ARHGAP20: variants seen among roughly 807,000 people sequenced by gnomAD.
ARHGAP20 encodes Rho GTPase activating protein 20, also known as rho GTPase-activating protein 20.
ARHGAP20 carries 34 observed loss-of-function variants against 73.7 expected under a neutral mutation model. The ratio of observed to expected loss-of-function variants is 0.46; its 90% confidence interval spans 0.35 to 0.61. ARHGAP20 has a LOEUF of 0.61. Among genes scored for constraint, ARHGAP20 ranks in the 20% least tolerant of loss-of-function variants. The pLI is 0.00. For missense variants in ARHGAP20, 1,314 were observed against 1,420.9 expected (o/e 0.92, Z 1.21); for synonymous variants, 523 against 518.2 (o/e 1.01, Z -0.13).
chr11:110,690,811 G>T (rs1950228589), intron 1 of ARHGAP20, among the ~76,000 whole-genome samples, 182 bp from the exon 2 acceptor site: 1 of 152,032 alleles, frequency 6.6e-6, no homozygotes, highest in Non-Finnish European at 1.5e-5. Context: ...AAAAAAACAG[G>T]ACAGTAAGTG....
chr11:110,677,576 T>C (rs1446616399), intron 2 of ARHGAP20, among the ~76,000 whole-genome samples: 2 of 152,082 alleles, frequency 1.3e-5, no homozygotes, highest in Non-Finnish European at 2.9e-5. Context: ...GCCCAGGATT[T>C]TGAGGCTGAA....
chr11:110,617,877 T>C (rs1485864235), intron 4 of ARHGAP20, among the ~76,000 whole-genome samples: 1 of 151,826 alleles, frequency 6.6e-6, no homozygotes, highest in Non-Finnish European at 1.5e-5. Flanking sequence ...TCTTGGAAAA[T>C]AAAATAAAAA....
rs1948363734 is a variant in ARHGAP20 at position 110,611,379 on chromosome 11, G to C, written c.638C>G (p.Thr213Ser). Residue 213 changes from threonine to serine, a missense_variant, in exon 7 of 15, where the codon ACT (threonine) becomes AGT (serine). Physicochemically the swap from Thr to Ser is moderately conservative, Grantham distance 58. This residue lies in a region of ARHGAP20 where 443 missense variants were observed against 466.4 expected (regional missense o/e 0.95). Transcript: ENST00000683387. Reference protein sequence around the residue: ...KDIGNCAYSKTITVMNSDTAN... With the variant: ...KDIGNCAYSKSITVMNSDTAN... The stretch of plus-strand genomic sequence containing the variant: ...TGTATCTGAATTCATTACTGTTATA[G>C]TTTTAGACTGTAGAAAAAAAATAAG... 1 of 1,484,208 alleles carries C rather than the reference G, an allele frequency of 6.7e-7. No individual in the cohort carries two copies. The highest frequency in any genetic ancestry group is 9.1e-7 in the Non-Finnish European group (1 of 1,098,056). 91.9% of individuals were successfully genotyped at this position (1,484,208 alleles called of 1,614,324 possible). A position where few individuals can be genotyped will look rare whatever the true frequency, so the allele number is the denominator to read the frequency against.
chr11:110,651,324 C>A (rs112825539), intron 2 of ARHGAP20, among the ~76,000 whole-genome samples: 38 of 151,990 alleles, frequency 2.5e-4, no homozygotes, highest in African/African-American at 8.7e-4. Context: ...AACTAGAGAA[C>A]CAAGAGCAAA....
intron 1 of ARHGAP20, chr11:110,711,625 C>T (rs575866775): frequency 6.7e-7 from 1 of 1,486,744 alleles, no homozygotes; most frequent in Non-Finnish European, 8.9e-7. Flanking sequence ...GTGAGGGGGC[C>T]GAGCCCACCA....
In ARHGAP20 at chr11:110,647,757, C is replaced by A. The variant is rs369433703; in HGVS notation, c.189-16965G>T. Reference sequence around the variant, plus strand: ...ATTTGATAGAGCTATTTGCAAAGCTCTTAACAGTATTCTCTCACTATAACA... The same window carrying A: ...ATTTGATAGAGCTATTTGCAAAGCTATTAACAGTATTCTCTCACTATAACA... On this transcript the variant is annotated intron_variant, in intron 2 of 14. Transcript: ENST00000683387. Among the ~76,000 whole-genome samples, 11 of 152,144 alleles carry A rather than the reference C, an allele frequency of 7.2e-5. 1 individual carries two copies. Among genetic ancestry groups the A allele is most frequent in the African/African-American group, 2.4e-4 (10 of 41,538 alleles).
chr11:110,679,005 G>A (rs1281028204), intron 2 of ARHGAP20, among the ~76,000 whole-genome samples: 1 of 152,144 alleles, frequency 6.6e-6, no homozygotes, highest in Non-Finnish European at 1.5e-5. Flanking sequence ...ATAAGGATCA[G>A]AAACCTGGAA....
At position 110,578,148 on chromosome 11, in the gene ARHGAP20, GAGAA is replaced by G. The variant is rs1947337836; in HGVS notation, c.*1218_*1221del. On this transcript the variant is annotated 3_prime_UTR_variant, in exon 15 of 15. Coordinates refer to ENST00000683387, the MANE Select transcript of ARHGAP20 (RefSeq NM_001384657.1). ...CTGCAACCTTTAAGTCAAGAAAGCA[GAGAA>G]AGAAAGGTCCATGGATATAAAATAA... 5.1e-6 allele frequency: 5 copies of G among 985,442 alleles called. No individual in the cohort carries two copies. The highest frequency in any genetic ancestry group is 1.7e-5 in the African/African-American group (1 of 57,362). 61.0% of individuals were successfully genotyped at this position (985,442 alleles called of 1,614,324 possible).
intron 2 of ARHGAP20, among the ~76,000 whole-genome samples, chr11:110,640,975 G>A (rs1451300700): frequency 6.6e-6 from 1 of 152,068 alleles, no homozygotes; most frequent in Non-Finnish European, 1.5e-5. Flanking sequence ...ACAGCCTAGT[G>A]ATAATAGTAA....
intron 1 of ARHGAP20, 141 bp downstream of exon 1, chr11:110,711,986 C>G (rs1950671028): frequency 1.6e-6 from 2 of 1,245,862 alleles, no homozygotes; most frequent in Non-Finnish European, 1.0e-6. Flanking sequence ...TGTTCTGGGA[C>G]TCTCATTAGG....
chr11:110,670,636 A>C (rs1949809816), intron 2 of ARHGAP20, among the ~76,000 whole-genome samples: 1 of 152,140 alleles, frequency 6.6e-6, no homozygotes, highest in Admixed American at 6.5e-5. Flanking sequence ...CCAACATTTT[A>C]GGAAGAAATA....
At chr11:110,686,605 T>C (rs987161808) in intron 2 of ARHGAP20, among the ~76,000 whole-genome samples, 3 of 152,164 alleles carry the variant, frequency 2.0e-5, no homozygotes, top group African/African-American at 7.2e-5. Flanking sequence ...TTTTATATCA[T>C]GCAACAGTGG....
intron 2 of ARHGAP20, among the ~76,000 whole-genome samples, chr11:110,651,793 G>C (rs1230797956): frequency 6.6e-6 from 1 of 151,514 alleles, no homozygotes; most frequent in Non-Finnish European, 1.5e-5. Context: ...ATTTATAGCT[G>C]AATTCTACCA....
chr11:110,613,451 C>G lies in ARHGAP20; in HGVS notation c.630+1110G>C, dbSNP rs571535420. 4.6e-5 allele frequency among the ~76,000 whole-genome samples: 7 copies of G among 152,246 alleles called. No homozygotes were observed. The South Asian group carries it at 1.2e-3, about 27-fold the overall frequency. On this transcript the variant is annotated intron_variant, in intron 6 of 14. Coordinates refer to ENST00000683387, the MANE Select transcript of ARHGAP20 (RefSeq NM_001384657.1). The stretch of plus-strand genomic sequence containing the variant: ...CATCATCCTTGACTTAACCAGGGTA[C>G]TAGTGATAGAAACAGAGCACCCAAC...
At chr11:110,631,578 GTGTC>G (rs1300589463) in intron 2 of ARHGAP20, among the ~76,000 whole-genome samples, 1 of 152,176 alleles carries the variant, frequency 6.6e-6, no homozygotes. Context: ...TGAAAAGAGA[GTGTC>G]TGTGGTTATG....
At chr11:110,621,572 T>G (rs1249368491) in intron 4 of ARHGAP20, among the ~76,000 whole-genome samples, 1 of 152,162 alleles carries the variant, frequency 6.6e-6, no homozygotes, top group Non-Finnish European at 1.5e-5. Context: ...ATTTAAAATA[T>G]TTTAGTTTTC....
chr11:110,600,209 G>A (rs1328791121), intron 9 of ARHGAP20, among the ~76,000 whole-genome samples: 2 of 152,366 alleles, frequency 1.3e-5, no homozygotes, highest in Non-Finnish European at 2.9e-5. Context: ...TCACCACACT[G>A]TGGGTGAAGA....
At chr11:110,672,411 G>C in intron 2 of ARHGAP20, among the ~76,000 whole-genome samples, 1 of 152,036 alleles carries the variant, frequency 6.6e-6, no homozygotes, top group East Asian at 1.9e-4. Flanking sequence ...AATATTATTT[G>C]TCTTCAAGAA....
rs559204613 is a variant in ARHGAP20 at position 110,677,746 on chromosome 11, G to T, written c.188+12801C>A. On this transcript the variant is annotated intron_variant, in intron 2 of 14. Transcript: ENST00000683387. The stretch of plus-strand genomic sequence containing the variant: ...ATAGAAAATAACAAGCACTGGTAAG[G>T]ATGTGGAGAAATTAGAATGCTCATA... 6.6e-5 allele frequency among the ~76,000 whole-genome samples: 10 copies of T among 152,232 alleles called. No individual in the cohort carries two copies. The East Asian group carries it at 1.9e-3, about 29-fold the overall frequency.
Sources: allele counts gnomAD v4.1 joint callset (sites outside exome capture counted in the v4.1 genomes callset), GRCh38; gene constraint gnomAD v4.1.1; regional missense constraint gnomAD v4.1.1; transcripts MANE v1.5; gene names NCBI Gene and HGNC (gene_info 2026-07-23, HGNC 2026-07-21).